The following DLGAP1 variants were observed in gnomAD, a reference collection of about 807,000 sequenced individuals.
DLGAP1 encodes the protein DLG associated protein 1.
Under a neutral mutation model 90.8 loss-of-function variants are expected in DLGAP1, and 11 were observed. The ratio of observed to expected loss-of-function variants is 0.12; its 90% CI spans 0.08 to 0.20. DLGAP1 has a LOEUF of 0.20. Ranked by LOEUF, DLGAP1 falls within the 10% of genes least tolerant of loss-of-function variation. The pLI is 1.00. For synonymous variants in DLGAP1, 558 were observed against 540.7 expected, an observed-to-expected ratio of 1.03 and a Z score of -0.44; for missense variants, 1,050 against 1,333.8, an observed-to-expected ratio of 0.79 and a Z score of 3.31.
At chr18:3,566,782 G>A (rs2054448935) in intron 9 of DLGAP1, among the ~76,000 whole-genome samples, 1 of 151,952 alleles carries the variant, frequency 6.6e-6, no homozygotes, top group Non-Finnish European at 1.5e-5. Flanking sequence ...TGTATATTTA[G>A]TATGTGCAAA....
chr18:4,218,013 CTTATG>C (rs2077993499), intron 1 of DLGAP1, among the ~76,000 whole-genome samples: 2 of 151,826 alleles, frequency 1.3e-5, no homozygotes, highest in Admixed American at 6.6e-5. Context: ...GTTTTTCCCT[CTTATG>C]TTATCTTCTA....
intron 2 of DLGAP1, among the ~76,000 whole-genome samples, chr18:4,046,736 A>G (rs1355879739): frequency 6.6e-6 from 1 of 152,222 alleles, no homozygotes; most frequent in Non-Finnish European, 1.5e-5. Flanking sequence ...CATTGGGACA[A>G]TTTATCCTCG....
intron 3 of DLGAP1, among the ~76,000 whole-genome samples, chr18:3,977,432 G>GTTTTTTTTT (rs1467413382): frequency 7.6e-5 from 4 of 52,752 alleles, no homozygotes; most frequent in African/African-American, 2.6e-4. Context: ...TGTTTATTCT[G>GTTTTTTTTT]TGTTTTTTTT....
At chr18:3,943,736 C>G (rs1210754203) in intron 3 of DLGAP1, among the ~76,000 whole-genome samples, 1 of 152,130 alleles carries the variant, frequency 6.6e-6, no homozygotes, top group Non-Finnish European at 1.5e-5. Context: ...AATTCCTAAC[C>G]CCCAGTGTCT....
At chr18:4,277,617 G>A (rs2079446199) in intron 1 of DLGAP1, among the ~76,000 whole-genome samples, 1 of 151,882 alleles carries the variant, frequency 6.6e-6, no homozygotes, top group Non-Finnish European at 1.5e-5. Context: ...ATATTCCTTT[G>A]TATAAAACCC....
chr18:4,177,351 AACACACACAC>A (rs34299932), intron 1 of DLGAP1, among the ~76,000 whole-genome samples: 26,917 of 141,542 alleles, frequency 0.19, 2,689 homozygotes, highest in Admixed American at 0.27. Context: ...ACTTTCTTTG[AACACACACAC>A]ACACACACAC....
At chr18:3,777,685 G>A (rs1200301505) in intron 5 of DLGAP1, among the ~76,000 whole-genome samples, 1 of 152,150 alleles carries the variant, frequency 6.6e-6, no homozygotes, top group Non-Finnish European at 1.5e-5. Flanking sequence ...GGGGTAGAGA[G>A]TATGTTTCAA....
At chr18:3,637,574 CAAAAAAAAAA>C (rs35620201) in intron 7 of DLGAP1, among the ~76,000 whole-genome samples, 1 of 94,958 alleles carries the variant, frequency 1.1e-5, no homozygotes, top group African/African-American at 3.9e-5. Flanking sequence ...TCTCCCCCAC[CAAAAAAAAAA>C]AAAAAAAAAA....
At chr18:3,833,238 C>CTTCCTTCCT (rs1267110762) in intron 4 of DLGAP1, among the ~76,000 whole-genome samples, 2 of 115,228 alleles carry the variant, frequency 1.7e-5, no homozygotes. Flanking sequence ...TCCTTCCTTC[C>CTTCCTTCCT]TCCTTGTTTT....
At chr18:4,172,360 A>C (rs2077039713) in intron 1 of DLGAP1, among the ~76,000 whole-genome samples, 1 of 152,168 alleles carries the variant, frequency 6.6e-6, no homozygotes, top group Non-Finnish European at 1.5e-5. Context: ...GTCCCTTTTA[A>C]TTTCTCTGAG....
chr18:3,700,638 CTCTG>C (rs2061249721), intron 7 of DLGAP1, among the ~76,000 whole-genome samples: 1 of 152,122 alleles, frequency 6.6e-6, no homozygotes, highest in African/African-American at 2.4e-5. Context: ...GAGACAGAGT[CTCTG>C]TCTGTTGCCC....
chr18:3,534,302 G>C lies in DLGAP1; in HGVS notation c.2371C>G (p.Arg791Gly). The C allele has an allele frequency of 5.0e-6, 8 of 1,614,192 alleles. No homozygotes were observed. Among genetic ancestry groups the C allele is most frequent in the Non-Finnish European group, 6.8e-6 (8 of 1,180,026 alleles). ...AGCTTCAGGAACCAGTGGCCATCCCGGTGGCACACTGACCTTTGCACGGCC... is the reference window on the plus strand; with the variant it reads ...AGCTTCAGGAACCAGTGGCCATCCCCGTGGCACACTGACCTTTGCACGGCC... ...LEAVQRSVCH[R>G]DGHWFLKLLQ... The change falls in exon 10 of 13, where the codon CGG (arginine) becomes GGG (glycine). Residue 791 changes from arginine (R) to glycine (G), a missense_variant. Physicochemically the swap from Arg to Gly is moderately radical, Grantham distance 125. Transcript: ENST00000315677.
At chr18:3,740,536 A>AAAGCAGGGAG (rs1479490599) in intron 6 of DLGAP1, among the ~76,000 whole-genome samples, 1 of 151,878 alleles carries the variant, frequency 6.6e-6, no homozygotes, top group Non-Finnish European at 1.5e-5. Flanking sequence ...TTTCTTCAGG[A>AAAGCAGGGAG]CTCCATTTAG....
intron 3 of DLGAP1, among the ~76,000 whole-genome samples, chr18:3,940,366 C>T (rs1045718864): frequency 2.6e-5 from 4 of 152,210 alleles, no homozygotes; most frequent in Admixed American, 6.5e-5. Flanking sequence ...CACAGAATCC[C>T]TGTGGGGTAA....
At chr18:3,617,326 C>T (rs1416042482) in intron 7 of DLGAP1, among the ~76,000 whole-genome samples, 1 of 152,198 alleles carries the variant, frequency 6.6e-6, no homozygotes, top group African/African-American at 2.4e-5. Context: ...TGGCTGGGGG[C>T]AGTGGCTTAC....
intron 7 of DLGAP1, among the ~76,000 whole-genome samples, chr18:3,586,216 T>G (rs1408909027): frequency 1.3e-5 from 2 of 152,042 alleles, no homozygotes; most frequent in Non-Finnish European, 2.9e-5. Context: ...CCCCCCCAAC[T>G]TCGAATAAGG....
chr18:3,679,207 C>A (rs1292203632), intron 7 of DLGAP1, among the ~76,000 whole-genome samples: 1 of 116,068 alleles, frequency 8.6e-6, no homozygotes, highest in Non-Finnish European at 1.7e-5. Flanking sequence ...ACCCCCTACT[C>A]CCACCCCCAT....
intron 5 of DLGAP1, among the ~76,000 whole-genome samples, chr18:3,768,580 A>G (rs897307600): frequency 6.6e-6 from 1 of 152,170 alleles, no homozygotes; most frequent in Non-Finnish European, 1.5e-5. Context: ...ACTGTGTAGT[A>G]TTGGTGAAAG....
Position 3,600,855 on chromosome 18 carries a change from GATAT to G in DLGAP1, c.1592-18611_1592-18608del, listed in dbSNP as rs1174024467. Among the ~76,000 whole-genome samples, 3 of 31,378 alleles carry G rather than the reference GATAT, an allele frequency of 9.6e-5. 1 individual carries two copies. The highest frequency in any genetic ancestry group is 6.1e-5 in the Non-Finnish European group (1 of 16,444). 20.6% of individuals were successfully genotyped at this position (31,378 alleles called of 152,430 possible). A position where few individuals can be genotyped will look rare whatever the true frequency, so the allele number is the denominator to read the frequency against. Reference sequence around the variant, plus strand: ...ATATATAGATATATATAGATATATAGATATATATAGATATATAGATATATAGATA... The same window carrying G: ...ATATATAGATATATATAGATATATAGATATAGATATATAGATATATAGATA... On this transcript the variant is annotated intron_variant, in intron 7 of 12. Coordinates refer to ENST00000315677, the MANE Select transcript of DLGAP1 (RefSeq NM_004746.4).
Sources: gnomAD v4.1 joint callset for allele counts (sites outside exome capture counted in the v4.1 genomes callset) on GRCh38, gnomAD v4.1.1 for gene constraint, MANE v1.5 for transcripts, NCBI Gene and HGNC (gene_info 2026-07-23, HGNC 2026-07-21) for gene names.